Variants in ADGRB3 observed in about 807,000 individuals in gnomAD.
ADGRB3 encodes the protein adhesion G protein-coupled receptor B3, also known as brain-specific angiogenesis inhibitor 3.
ADGRB3 carries 37 observed loss-of-function variants against 193.4 expected under a neutral mutation model. The ratio of observed to expected loss-of-function variants is 0.19; its 90% CI spans 0.15 to 0.25. The LOEUF (loss-of-function observed/expected upper bound fraction) is 0.25, where lower values mean the gene tolerates loss of function less well. ADGRB3 is among the 10% of genes least tolerant of loss of function. ADGRB3 has a pLI of 1.00. For missense variants in ADGRB3, 1,637 were observed against 1,852.9 expected (o/e 0.88, Z 2.14); for synonymous variants, 690 against 644.2 (o/e 1.07, Z -1.08).
chr6:69,029,229 A>T (rs1014883131), intron 13 of ADGRB3, among the ~76,000 whole-genome samples: 3 of 152,116 alleles, frequency 2.0e-5, no homozygotes, highest in African/African-American at 4.8e-5. Context: ...ACTCCTGACC[A>T]TTTGTTTTCT....
chr6:68,775,476 C>G (rs936320001), intron 3 of ADGRB3, among the ~76,000 whole-genome samples: 1 of 152,090 alleles, frequency 6.6e-6, no homozygotes, highest in African/African-American at 2.4e-5. Context: ...TGCAAGACTT[C>G]CAGATAGCAG....
At chr6:69,265,465 C>T (rs1255749619) in intron 20 of ADGRB3, among the ~76,000 whole-genome samples, 2 of 151,920 alleles carry the variant, frequency 1.3e-5, no homozygotes, top group Non-Finnish European at 2.9e-5. Context: ...CCCCCATGTT[C>T]CATATGGGGA....
At chr6:68,993,250 C>G (rs573663782) in intron 10 of ADGRB3, among the ~76,000 whole-genome samples, 1 of 151,814 alleles carries the variant, frequency 6.6e-6, no homozygotes, top group Non-Finnish European at 1.5e-5. Flanking sequence ...TAGTAAATCT[C>G]CAAAGTTTAA....
chr6:68,994,104 A>C, intron 11 of ADGRB3, 142 bp downstream of exon 11: 2 of 778,680 alleles, frequency 2.6e-6, no homozygotes, highest in Non-Finnish European at 4.0e-6. Context: ...AGCTCTGGAA[A>C]TGACCTCAGT....
chr6:68,912,553 G>A (rs1489389547), intron 3 of ADGRB3, among the ~76,000 whole-genome samples: 1 of 151,878 alleles, frequency 6.6e-6, no homozygotes, highest in Non-Finnish European at 1.5e-5. Context: ...AGAGTGTGAT[G>A]CTCCCCTTCC....
chr6:69,098,419 A>C (rs1432090052), intron 17 of ADGRB3, among the ~76,000 whole-genome samples: 1 of 152,226 alleles, frequency 6.6e-6, no homozygotes, highest in Non-Finnish European at 1.5e-5. Flanking sequence ...GTATTAGTCC[A>C]TTTTTACTCT....
At chr6:69,062,009 G>T (rs971702380) in intron 15 of ADGRB3, among the ~76,000 whole-genome samples, 2 of 151,908 alleles carry the variant, frequency 1.3e-5, no homozygotes, top group African/African-American at 2.4e-5. Flanking sequence ...AAATGATTTT[G>T]TCATTGATAC....
chr6:68,715,371 G>T (rs1488853043), intron 3 of ADGRB3, among the ~76,000 whole-genome samples: 2 of 151,690 alleles, frequency 1.3e-5, no homozygotes, highest in East Asian at 3.9e-4. Context: ...CAAATACCAA[G>T]TATCTGTGAT....
intron 3 of ADGRB3, among the ~76,000 whole-genome samples, chr6:68,796,693 C>A (rs1767215004): frequency 6.6e-6 from 1 of 152,142 alleles, no homozygotes; most frequent in Admixed American, 6.6e-5. Flanking sequence ...GCTTCTAAAA[C>A]TTCTGGTGCA....
At chr6:69,180,220 C>T (rs186679064) in intron 17 of ADGRB3, among the ~76,000 whole-genome samples, 1 of 152,292 alleles carries the variant, frequency 6.6e-6, no homozygotes, top group East Asian at 1.9e-4. Flanking sequence ...GTAGAGCAGT[C>T]CCTTCTACAT....
intron 20 of ADGRB3, among the ~76,000 whole-genome samples, chr6:69,317,190 A>T (rs1017828234): frequency 5.3e-5 from 8 of 151,518 alleles, no homozygotes; most frequent in African/African-American, 1.9e-4. Flanking sequence ...CTCTCTCTGC[A>T]TGGGTGAGTG....
chr6:69,089,678 T>G (rs936332071), intron 17 of ADGRB3, among the ~76,000 whole-genome samples: 4 of 152,222 alleles, frequency 2.6e-5, no homozygotes, highest in African/African-American at 9.6e-5. Flanking sequence ...AGGATGTACT[T>G]CACCTCCTGT....
Position 69,361,012 on chromosome 6 carries a change from A to G in ADGRB3, c.3739A>G (p.Lys1247Glu). Reference protein sequence around the residue: ...YSTLPGNVISKVIIQQPTGLH... With the variant: ...YSTLPGNVISEVIIQQPTGLH... ...AACATTGCCTGGAAATGTCATTTCC[A>G]AAGTCATCATCCAGCAACCCACAGG... The change falls in exon 29 of 32, where the codon AAA becomes GAA. Residue 1247 changes from lysine (K) to glutamate (E), a missense_variant. By Grantham distance (56) the Lys-to-Glu change is moderately conservative (BLOSUM62 1). Around this residue, in one of 7 missense-constraint regions of ADGRB3, gnomAD observed 368 missense variants for 367.4 expected, o/e 1.00. Transcript: ENST00000370598. 6.2e-7 allele frequency: 1 copy of G among 1,612,850 alleles called. No individual in the cohort carries two copies. Among genetic ancestry groups the G allele is most frequent in the Non-Finnish European group, 8.5e-7 (1 of 1,179,220 alleles).
At chr6:68,644,028 A>T (rs962960052) in intron 3 of ADGRB3, among the ~76,000 whole-genome samples, 1 of 151,882 alleles carries the variant, frequency 6.6e-6, no homozygotes, top group Admixed American at 6.6e-5. Context: ...CAAAAAAAAA[A>T]CCCTGAGGCT....
At chr6:68,770,261 G>A (rs990070667) in intron 3 of ADGRB3, among the ~76,000 whole-genome samples, 4 of 152,076 alleles carry the variant, frequency 2.6e-5, no homozygotes, top group African/African-American at 9.7e-5. Flanking sequence ...AAAATCACTG[G>A]TGTTGCAATT....
intron 3 of ADGRB3, among the ~76,000 whole-genome samples, chr6:68,650,952 T>G (rs577656170): frequency 1.3e-5 from 2 of 152,282 alleles, no homozygotes; most frequent in Non-Finnish European, 2.9e-5. Flanking sequence ...CTGCTGGATG[T>G]TTTTGGAAAT....
chr6:69,084,886 A>G (rs1441439094), intron 17 of ADGRB3, among the ~76,000 whole-genome samples: 5 of 152,120 alleles, frequency 3.3e-5, no homozygotes, highest in African/African-American at 4.8e-5. Flanking sequence ...GAGGTGCTCA[A>G]TAAAGGTTTG....
intron 17 of ADGRB3, among the ~76,000 whole-genome samples, chr6:69,126,478 G>A (rs762487249): frequency 2.0e-5 from 3 of 152,190 alleles, no homozygotes; most frequent in African/African-American, 4.8e-5. Context: ...GCAGGCTGCT[G>A]TGCAAGTCCT....
chr6:68,673,366 G>A (rs1380906078), intron 3 of ADGRB3, among the ~76,000 whole-genome samples: 2 of 152,000 alleles, frequency 1.3e-5, no homozygotes, highest in East Asian at 3.9e-4. Flanking sequence ...CCATTTAACA[G>A]GAGAAAAACT....
Sources: allele counts gnomAD v4.1 joint callset (sites outside exome capture counted in the v4.1 genomes callset), GRCh38; gene constraint gnomAD v4.1.1; regional missense constraint gnomAD v4.1.1; transcripts MANE v1.5; gene names NCBI Gene and HGNC (gene_info 2026-07-23, HGNC 2026-07-21).